Variants in MAMSTR observed in about 807,000 individuals in gnomAD.
The protein encoded by MAMSTR is MEF2 activating motif and SAP domain containing transcriptional regulator, also known as MEF2-activating motif and SAP domain-containing transcriptional regulator.
In MAMSTR, 41 loss-of-function variants were observed where a neutral mutation model predicts 42.7. That is an observed-to-expected ratio of 0.96 (90% CI 0.75 to 1.25). MAMSTR has a LOEUF of 1.25. MAMSTR is among the 50% of genes most tolerant of loss of function. The pLI, the probability that MAMSTR is intolerant of heterozygous loss-of-function variation, is 0.00. For synonymous variants in MAMSTR, 265 were observed against 244.1 expected (o/e 1.09, Z -0.80); for missense variants, 567 against 557.6 (o/e 1.02, Z -0.17).
Position 48,715,053 on chromosome 19 carries a change from C to G in MAMSTR, c.426-145G>C, listed in dbSNP as rs532015759. On this transcript the variant is annotated intron_variant, in intron 5 of 9. Coordinates refer to ENST00000318083, the MANE Select transcript of MAMSTR (RefSeq NM_001130915.2). ...GGTCTCCAAGGGCGCAAACATGGGG[C>G]TAGATTTCTGTGCATGGGGGAGGAG... The G allele has an allele frequency of 3.1e-5, 21 of 686,822 alleles. No homozygotes were observed. The African/African-American group carries it at 3.7e-4, about 12-fold the overall frequency. 42.5% of individuals were successfully genotyped at this position (686,822 alleles called of 1,614,324 possible). A position where few individuals can be genotyped will look rare whatever the true frequency, so the allele number is the denominator to read the frequency against.
rs1395050424 is a variant in MAMSTR, at chr19:48,719,158, A to T, written c.-21-106T>A. 1.3e-6 allele frequency: 1 copy of T among 755,658 alleles called. No homozygotes were observed. Among genetic ancestry groups the T allele is most frequent in the Admixed American group, 2.1e-5 (1 of 48,002 alleles). 46.8% of individuals were successfully genotyped at this position (755,658 alleles called of 1,614,324 possible). A position where few individuals can be genotyped will look rare whatever the true frequency, so the allele number is the denominator to read the frequency against. On this transcript the variant is annotated intron_variant, in intron 1 of 9. Coordinates refer to ENST00000318083, the MANE Select transcript of MAMSTR (RefSeq NM_001130915.2). This position sits in a 1 kb window ranked among gnomAD's most constrained non-coding sequence, Gnocchi z 4.4. The stretch of plus-strand genomic sequence containing the variant: ...ATTCAGCAGGGAAAGGGCCCGAAGG[A>T]GGTGGGAATAGGAGCAGCCTTGGGC...
At chr19:48,707,887 G>GAA (rs377360249), downstream of MAMSTR, among the ~76,000 whole-genome samples, 3 of 75,282 alleles carry the variant, frequency 4.0e-5, no homozygotes, top group Non-Finnish European at 7.7e-5. Context: ...AAGAAAGAAA[G>GAA]AAAAGAAAGA....
chr19:48,708,487 C>G (rs1198183552), downstream of MAMSTR, among the ~76,000 whole-genome samples: 1 of 152,144 alleles, frequency 6.6e-6, no homozygotes, highest in Admixed American at 6.6e-5. Context: ...CCCATCTGAT[C>G]CCCCTTGGTC....
the MAMSTR span, chr19:48,705,969 G>A: frequency 0.45 from 70,566 of 158,284 alleles, 16,682 homozygotes; most frequent in Middle Eastern, 0.59. Flanking sequence ...TTCTCTGAGA[G>A]CGTATTACAT....
At chr19:48,718,205 A>T (rs1408010835) in intron 2 of MAMSTR, among the ~76,000 whole-genome samples, 1 of 151,978 alleles carries the variant, frequency 6.6e-6, no homozygotes, top group Non-Finnish European at 1.5e-5. Context: ...GGGAGCAAGG[A>T]TCTCTCTGCA....
At position 48,719,100 on chromosome 19, in the gene MAMSTR, G is replaced by C. The variant is rs2033160653; in HGVS notation, c.-21-48C>G. The C allele has an allele frequency of 7.2e-7, 1 of 1,384,584 alleles. No homozygotes were observed. The highest frequency in any genetic ancestry group is 1.0e-6 in the Non-Finnish European group (1 of 999,534). 85.8% of individuals were successfully genotyped at this position (1,384,584 alleles called of 1,614,324 possible). ...AGGGGCCCCATAGAGGGCTGGCTCA[G>C]AGTGGAGGTCAGGAGGCCGCCCCTG... On this transcript the variant is annotated intron_variant, in intron 1 of 9. Transcript: ENST00000318083. This position sits in a 1 kb window ranked among gnomAD's most constrained non-coding sequence, Gnocchi z 4.4.
At chr19:48,709,368 G>A (rs892199466), downstream of MAMSTR, among the ~76,000 whole-genome samples, 16 of 152,028 alleles carry the variant, frequency 1.1e-4, no homozygotes, top group African/African-American at 3.6e-4. Context: ...GGCTGGTCTC[G>A]AACTCCCAAC....
chr19:48,714,551 G>T lies in MAMSTR; in HGVS notation c.538C>A (p.Leu180Ile). 6.8e-7 allele frequency: 1 copy of T among 1,461,904 alleles called. No homozygotes were observed. Among genetic ancestry groups the T allele is most frequent in the Admixed American group, 2.7e-5 (1 of 36,794 alleles). The allele number at this position is 1,461,904 out of a possible 1,614,324, so 90.6% of individuals were successfully genotyped here. Residue 180 changes from leucine to isoleucine, a missense_variant, in exon 7 of 10, where the codon CTC becomes ATC. Physicochemically the swap from Leu to Ile is conservative, Grantham distance 5 (BLOSUM62 2). Coordinates refer to ENST00000318083, the MANE Select transcript of MAMSTR (RefSeq NM_001130915.2). The stretch of plus-strand genomic sequence containing the variant: ...CCCCGCAGGCGCAGCTGCTGCCGGA[G>T]CTCTGAGACCTGGGGAGGGGCGGGG... ...LKLEELTVSE[L>I]RQQLRLRGLP...
At position 48,714,028 on chromosome 19, in the gene MAMSTR, T is replaced by C; in HGVS notation, c.741A>G (p.Ala247=). 6.3e-7 allele frequency: 1 copy of C among 1,598,960 alleles called. No individual in the cohort carries two copies. Among genetic ancestry groups the C allele is most frequent in the Non-Finnish European group, 8.5e-7 (1 of 1,173,060 alleles). The stretch of plus-strand genomic sequence containing the variant: ...CACGTGGAAGAGGTGGCCTGTGAGA[T>C]GCTGCGCTGGGCTTGACCTAGAGCA... The part of the protein sequence containing the change: ...RRQGSVKPSA[A]SHRPPLPRAA... Residue 247 remains alanine (A), a synonymous_variant, in exon 8 of 10, where the codon GCA becomes GCG. Coordinates refer to ENST00000318083, the MANE Select transcript of MAMSTR (RefSeq NM_001130915.2).
chr19:48,715,615 C>A lies in MAMSTR; in HGVS notation c.240+10G>T. ...TCTCAGAGGGACCTCTCCCTCCAGT[C>A]GAGACTCACCTTCTTTGGGGACCTC... On this transcript the variant is annotated intron_variant, in intron 4 of 9. Transcript: ENST00000318083. 1 of 1,532,554 alleles carries A rather than the reference C, an allele frequency of 6.5e-7. No homozygotes were observed. The highest frequency in any genetic ancestry group is 8.8e-7 in the Non-Finnish European group (1 of 1,142,074). The allele number at this position is 1,532,554 out of a possible 1,614,324, so 94.9% of individuals were successfully genotyped here. A position where few individuals can be genotyped will look rare whatever the true frequency, so the allele number is the denominator to read the frequency against.
chr19:48,706,161 C>A, the MAMSTR span, among the ~76,000 whole-genome samples: 1 of 150,340 alleles, frequency 6.7e-6, no homozygotes, highest in South Asian at 2.2e-4. Flanking sequence ...GTGGTGCAGA[C>A]CTGTAGTCCC....
rs1234020771 is a variant in MAMSTR, at chr19:48,713,995, A to T, written c.774T>A (p.Asp258Glu). 1 of 1,611,780 alleles carries T rather than the reference A, an allele frequency of 6.2e-7. No individual in the cohort carries two copies. The highest frequency in any genetic ancestry group is 1.3e-5 in the African/African-American group (1 of 74,886). ...TTGGAGCCGGAGCCGTCCCCGGGGTATCCGCGGCACGTGGAAGAGGTGGCC... is the reference window on the plus strand; with the variant it reads ...TTGGAGCCGGAGCCGTCCCCGGGGTTTCCGCGGCACGTGGAAGAGGTGGCC... ...SHRPPLPRAADTPGTAPAPTP... is the reference protein window; with the variant it reads ...SHRPPLPRAAETPGTAPAPTP... Residue 258 changes from aspartate to glutamate, a missense_variant, in exon 8 of 10, where the codon GAT (aspartate) becomes GAA (glutamate). Transcript: ENST00000318083.
At chr19:48,715,596 AG>A (rs2032979881) in intron 4 of MAMSTR, 28 bp downstream of exon 4, 2 of 1,516,052 alleles carry the variant, frequency 1.3e-6, no homozygotes, top group African/African-American at 1.4e-5. Flanking sequence ...AGGCTCTCAG[AG>A]GGACCTCTCC....
rs549961107 is a variant in MAMSTR at position 48,716,113 on chromosome 19, C to T, written c.98-346G>A. Among the ~76,000 whole-genome samples, 9 of 152,136 alleles carry T rather than the reference C, an allele frequency of 5.9e-5. No individual in the cohort carries two copies. The South Asian group carries it at 1.9e-3, about 32-fold the overall frequency. Reference sequence around the variant, plus strand: ...CATCCAGGCCGGCCGCGGTGGCTCACGCCTGTAATCCCAGCAGTTTGGGAG... The same window carrying T: ...CATCCAGGCCGGCCGCGGTGGCTCATGCCTGTAATCCCAGCAGTTTGGGAG... On this transcript the variant is annotated intron_variant, in intron 3 of 9. Coordinates refer to ENST00000318083, the MANE Select transcript of MAMSTR (RefSeq NM_001130915.2).
In MAMSTR at chr19:48,714,372, C is replaced by T. The variant is rs755830893; in HGVS notation, c.717G>A (p.Gln239=). 1.6e-5 allele frequency: 22 copies of T among 1,366,002 alleles called. No homozygotes were observed. The highest frequency in any genetic ancestry group is 1.2e-4 in the African/African-American group (8 of 65,362). The allele number at this position is 1,366,002 out of a possible 1,614,324, so 84.6% of individuals were successfully genotyped here. A position where few individuals can be genotyped will look rare whatever the true frequency, so the allele number is the denominator to read the frequency against. The change falls in exon 7 of 10, where the codon CAG becomes CAA. Residue 239 remains glutamine, a synonymous_variant. Coordinates refer to ENST00000318083, the MANE Select transcript of MAMSTR (RefSeq NM_001130915.2). ...CTCATAGCCCCGCCCTCACCGAGCC[C>T]TGACGCCGGGCGGCTGCCAGGGCCT... ...KPKALAAARR[Q]GSVKPSAASH...
chr19:48,714,117 TG>T, intron 7 of MAMSTR, 72 bp from the exon 8 acceptor site: 1 of 1,451,086 alleles, frequency 6.9e-7, no homozygotes, highest in Non-Finnish European at 9.2e-7. Context: ...TCGCAACGTG[TG>T]GCTCCACCCC....
chr19:48,713,368 GA>G lies in MAMSTR; in HGVS notation c.1146del (p.Pro383LeufsTer37). On this transcript the variant is annotated frameshift_variant, in exon 10 of 10. Transcript: ENST00000318083. LOFTEE classifies it high-confidence loss of function. Reference protein sequence around the residue: ...SLDWLEALSGGPPLGSGPPPP... With the variant: ...SLDWLEALSGXPPLGSGPPPP... ...GGTGGGGGACCAGAACCCAGAGGAGGACCCCCGCTCAGGGCCTCCAGCCAGT... is the reference window on the plus strand; with the variant it reads ...GGTGGGGGACCAGAACCCAGAGGAGGCCCCCGCTCAGGGCCTCCAGCCAGT... The G allele has an allele frequency of 1.2e-6, 2 of 1,609,896 alleles. No individual in the cohort carries two copies. The highest frequency in any genetic ancestry group is 1.7e-6 in the Non-Finnish European group (2 of 1,178,906).
chr19:48,715,117 AG>A, intron 5 of MAMSTR, 144 bp downstream of exon 5: 2 of 730,400 alleles, frequency 2.7e-6, no homozygotes, highest in Non-Finnish European at 4.5e-6. Context: ...GGGCGAAGGG[AG>A]GGGCTGGGAT....
At position 48,713,233 on chromosome 19, in the gene MAMSTR, A is replaced by G; in HGVS notation, c.*34T>C. On this transcript the variant is annotated 3_prime_UTR_variant, in exon 10 of 10. Coordinates refer to ENST00000318083, the MANE Select transcript of MAMSTR (RefSeq NM_001130915.2). The stretch of plus-strand genomic sequence containing the variant: ...CCACAAGGAGCTTCTCTCCACCCCC[A>G]TCAGTTCTCTGTCTCTGTAAATCCT... The G allele has an allele frequency of 6.5e-7, 1 of 1,545,236 alleles. No homozygotes were observed. The highest frequency in any genetic ancestry group is 8.7e-7 in the Non-Finnish European group (1 of 1,149,034).
Sources: allele counts gnomAD v4.1 joint callset (sites outside exome capture counted in the v4.1 genomes callset), GRCh38; gene constraint gnomAD v4.1.1; non-coding constraint Gnocchi (gnomAD v3.1); transcripts MANE v1.5; gene names NCBI Gene and HGNC (gene_info 2026-07-23, HGNC 2026-07-21).